Variants in CDH13 observed in about 807,000 individuals in gnomAD.
CDH13 encodes the protein cadherin 13, also known as cadherin-13.
In CDH13, 24 loss-of-function variants were observed where a neutral mutation model predicts 63.8. That is an observed-to-expected ratio of 0.38 (90% CI 0.27 to 0.53). The LOEUF (loss-of-function observed/expected upper bound fraction) is 0.53, where lower values mean the gene tolerates loss of function less well. Among genes scored for constraint, CDH13 ranks in the 20% least tolerant of loss-of-function variants. The pLI is 0.85. For synonymous variants in CDH13, 503 were observed against 355.3 expected (o/e 1.42, Z -4.67); for missense variants, 1,049 against 903.1 (o/e 1.16, Z -2.07).
At chr16:83,268,557 T>C (rs1171974713) in intron 5 of CDH13, among the ~76,000 whole-genome samples, 1 of 152,228 alleles carries the variant, frequency 6.6e-6, no homozygotes, top group Non-Finnish European at 1.5e-5. Flanking sequence ...TAAGGATATA[T>C]AAATTACATG....
intron 7 of CDH13, among the ~76,000 whole-genome samples, chr16:83,548,640 G>A (rs1022958561): frequency 6.6e-6 from 1 of 152,188 alleles, no homozygotes; most frequent in African/African-American, 2.4e-5. Context: ...GAGACCAGAA[G>A]ATGGGTTCCT....
intron 1 of CDH13, among the ~76,000 whole-genome samples, chr16:82,713,787 T>C (rs1317395981): frequency 6.8e-6 from 1 of 147,394 alleles, no homozygotes; most frequent in African/African-American, 2.5e-5. Context: ...TTTAGCTTCT[T>C]TAGGGCTTCT....
intron 1 of CDH13, among the ~76,000 whole-genome samples, chr16:82,851,825 C>T (rs995106609): frequency 3.3e-5 from 5 of 152,186 alleles, no homozygotes; most frequent in African/African-American, 4.8e-5. Flanking sequence ...TCAAAATACA[C>T]TGCTGCGATA....
At chr16:83,479,272 T>G (rs998169437) in intron 6 of CDH13, among the ~76,000 whole-genome samples, 1 of 152,202 alleles carries the variant, frequency 6.6e-6, no homozygotes, top group Middle Eastern at 3.2e-3. Context: ...AAACCCTAAG[T>G]GGTTGGGTCC....
intron 5 of CDH13, among the ~76,000 whole-genome samples, chr16:83,289,337 T>G (rs2089409725): frequency 6.6e-6 from 1 of 152,344 alleles, no homozygotes; most frequent in Admixed American, 6.5e-5. Context: ...AGCTTCTTTC[T>G]GAAAGGCTTC....
intron 7 of CDH13, among the ~76,000 whole-genome samples, chr16:83,495,466 A>C (rs188080153): frequency 1.3e-5 from 2 of 152,290 alleles, no homozygotes; most frequent in East Asian, 3.9e-4. Context: ...GAGAGACTAG[A>C]TGGTAAATGT....
intron 1 of CDH13, among the ~76,000 whole-genome samples, chr16:82,651,059 C>G (rs978510040): frequency 2.0e-5 from 3 of 152,062 alleles, no homozygotes; most frequent in Admixed American, 2.0e-4. Context: ...GCTTCCTTTT[C>G]TGGGAGGAGA....
chr16:83,174,737 C>G (rs1484513482), intron 4 of CDH13, among the ~76,000 whole-genome samples: 1 of 152,104 alleles, frequency 6.6e-6, no homozygotes, highest in East Asian at 1.9e-4. Context: ...AAAAAGGTTT[C>G]CTTGACTCAC....
chr16:83,157,808 G>T (rs1033704523), intron 4 of CDH13, among the ~76,000 whole-genome samples: 1 of 151,456 alleles, frequency 6.6e-6, no homozygotes, highest in Non-Finnish European at 1.5e-5. Context: ...AGCAACTCGG[G>T]AGGCAGAGGC....
At chr16:83,092,443 C>T (rs1173927332) in intron 3 of CDH13, among the ~76,000 whole-genome samples, 3 of 152,194 alleles carry the variant, frequency 2.0e-5, no homozygotes, top group East Asian at 3.8e-4. Context: ...GATGCTAATG[C>T]CATCCTCACC....
chr16:83,613,667 C>G (rs1379092957), intron 8 of CDH13, among the ~76,000 whole-genome samples: 2 of 152,054 alleles, frequency 1.3e-5, no homozygotes, highest in Non-Finnish European at 2.9e-5. Context: ...CCTGTCTCTA[C>G]TAAATAAATA....
At chr16:82,946,117 C>A (rs567918693) in intron 2 of CDH13, among the ~76,000 whole-genome samples, 12 of 151,766 alleles carry the variant, frequency 7.9e-5, no homozygotes, top group Admixed American at 1.3e-4. Context: ...TTTTGCCCTC[C>A]CCTGTGTCTT....
intron 1 of CDH13, among the ~76,000 whole-genome samples, chr16:82,721,021 G>A (rs1240133074): frequency 1.3e-5 from 2 of 152,192 alleles, no homozygotes; most frequent in African/African-American, 2.4e-5. Flanking sequence ...GATAATTACT[G>A]GCACAAAACA....
chr16:83,526,163 G>A (rs1206205393), intron 7 of CDH13, among the ~76,000 whole-genome samples: 1 of 152,194 alleles, frequency 6.6e-6, no homozygotes, highest in East Asian at 1.9e-4. Context: ...CACCACCTTC[G>A]AACCAGCTTC....
At chr16:82,897,848 T>G (rs974443953) in intron 2 of CDH13, among the ~76,000 whole-genome samples, 30 of 152,364 alleles carry the variant, frequency 2.0e-4, no homozygotes, top group African/African-American at 6.5e-4. Context: ...CTTTATTCAT[T>G]CATTTATCAT....
intron 1 of CDH13, among the ~76,000 whole-genome samples, chr16:82,808,176 A>C (rs1185295376): frequency 1.3e-5 from 2 of 152,130 alleles, no homozygotes; most frequent in Non-Finnish European, 2.9e-5. Context: ...ATGAGAGGGG[A>C]TAATTCTAAA....
chr16:83,583,365 C>T (rs1256369641), intron 7 of CDH13, among the ~76,000 whole-genome samples: 1 of 152,186 alleles, frequency 6.6e-6, no homozygotes, highest in African/African-American at 2.4e-5. Context: ...CATACAAGCC[C>T]GTGGAGATAG....
At chr16:83,410,134 A>T (rs1212769948) in intron 6 of CDH13, among the ~76,000 whole-genome samples, 2 of 152,208 alleles carry the variant, frequency 1.3e-5, no homozygotes, top group Non-Finnish European at 2.9e-5. Context: ...AGCATAGCCC[A>T]TGTAGAGCGC....
chr16:83,533,003 C>T (rs577259229), intron 7 of CDH13, among the ~76,000 whole-genome samples: 1 of 152,326 alleles, frequency 6.6e-6, no homozygotes, highest in South Asian at 2.1e-4. Context: ...GTAGGAGAAG[C>T]TAACTACAAT....
Sources: allele counts gnomAD v4.1 joint callset (sites outside exome capture counted in the v4.1 genomes callset), GRCh38; gene constraint gnomAD v4.1.1; transcripts MANE v1.5; gene names NCBI Gene and HGNC (gene_info 2026-07-23, HGNC 2026-07-21).